SEC24B: variants seen among roughly 807,000 people sequenced by gnomAD.
SEC24B encodes the protein SEC24 homolog B, COPII component.
A neutral mutation model predicts 142.8 loss-of-function variants in SEC24B; 45 were observed. The ratio of observed to expected loss-of-function variants is 0.32; its 90% CI spans 0.25 to 0.40. The LOEUF (loss-of-function observed/expected upper bound fraction) is 0.40. SEC24B is among the 10% of genes least tolerant of loss of function. The pLI is 1.00. For missense variants in SEC24B, 1,409 were observed against 1,526.8 expected, an observed-to-expected ratio of 0.92 and a Z score of 1.29; for synonymous variants, 574 against 568.2, an observed-to-expected ratio of 1.01 and a Z score of -0.15.
intron 4 of SEC24B, among the ~76,000 whole-genome samples, chr4:109,482,961 TATATATATATATATATATACAC>T (rs1326713763): frequency 1.8e-5 from 1 of 56,906 alleles, no homozygotes; most frequent in Non-Finnish European, 3.1e-5. Context: ...TATATATATA[TATATATATATATATATATACAC>T]ACACACACAC....
intron 1 of SEC24B, among the ~76,000 whole-genome samples, chr4:109,443,463 A>G (rs975846066): frequency 6.6e-6 from 1 of 152,160 alleles, no homozygotes; most frequent in Non-Finnish European, 1.5e-5. Context: ...GATGGTCTCA[A>G]ACTCCTAGGC....
chr4:109,445,203 C>T (rs996805764), intron 1 of SEC24B, among the ~76,000 whole-genome samples: 3 of 151,390 alleles, frequency 2.0e-5, no homozygotes, highest in Non-Finnish European at 4.4e-5. Context: ...GGATTACAAG[C>T]ACGTCTGGCC....
At chr4:109,512,884 ACTC>A (rs752122709) in intron 9 of SEC24B, among the ~76,000 whole-genome samples, 1 of 148,894 alleles carries the variant, frequency 6.7e-6, no homozygotes, top group East Asian at 2.0e-4. Flanking sequence ...CTAATCCTGA[ACTC>A]CTGGGCTCAA....
chr4:109,477,150 A>T (rs1367476227), intron 3 of SEC24B, among the ~76,000 whole-genome samples: 6 of 149,788 alleles, frequency 4.0e-5, no homozygotes, highest in African/African-American at 1.5e-4. Context: ...TAAAAAAAAA[A>T]AAAAAAAAAA....
chr4:109,514,098 A>G (rs1016050137), intron 10 of SEC24B, among the ~76,000 whole-genome samples: 7 of 152,210 alleles, frequency 4.6e-5, no homozygotes, highest in African/African-American at 1.7e-4. Context: ...ACTAGCATCT[A>G]TGACTTGTTG....
chr4:109,502,286 C>T (rs1262164436), intron 6 of SEC24B, among the ~76,000 whole-genome samples: 3 of 152,054 alleles, frequency 2.0e-5, no homozygotes, highest in Admixed American at 6.6e-5. Flanking sequence ...AGATTTTATC[C>T]GAGGTGCATA....
At chr4:109,475,689 G>T (rs550602336) in intron 3 of SEC24B, among the ~76,000 whole-genome samples, 29 of 152,126 alleles carry the variant, frequency 1.9e-4, no homozygotes, top group South Asian at 1.2e-3. Context: ...TCTTTCAAAT[G>T]TACCCTTTGG....
In SEC24B at chr4:109,510,200, A is replaced by G. The variant is rs72898747; in HGVS notation, c.1776+89A>G. ...ATTTTATATTTTCTTAGAATTTTCTATATCTTCTTTTATTTGAAGTTAGAA... is the reference window on the plus strand; with the variant it reads ...ATTTTATATTTTCTTAGAATTTTCTGTATCTTCTTTTATTTGAAGTTAGAA... On this transcript the variant is annotated intron_variant, in intron 8 of 23. Transcript: ENST00000265175. The G allele has an allele frequency of 1.2e-3, 711 of 583,106 alleles. 6 individuals are homozygous for G. The African/African-American group carries it at 0.013, about 11-fold the overall frequency. The allele number at this position is 583,106 out of a possible 1,614,324, so 36.1% of individuals were successfully genotyped here.
chr4:109,484,379 G>A (rs1447944130), intron 4 of SEC24B, among the ~76,000 whole-genome samples: 2 of 152,194 alleles, frequency 1.3e-5, no homozygotes, highest in African/African-American at 4.8e-5. Context: ...ATGTCAATTT[G>A]TTCTCATATT....
At chr4:109,530,993 A>ATG (rs1724872097) in intron 19 of SEC24B, among the ~76,000 whole-genome samples, 1 of 152,030 alleles carries the variant, frequency 6.6e-6, no homozygotes, top group Non-Finnish European at 1.5e-5. Context: ...CTCTTCTTTA[A>ATG]TGTGTGTGAG....
At chr4:109,512,217 G>C (rs1014447457) in intron 9 of SEC24B, 134 bp downstream of exon 9, 1 of 778,260 alleles carries the variant, frequency 1.3e-6, no homozygotes. Flanking sequence ...AGGGAATATA[G>C]GCTAAGGCTA....
chr4:109,537,432 A>G (rs1160993559), intron 22 of SEC24B, among the ~76,000 whole-genome samples: 1 of 152,250 alleles, frequency 6.6e-6, no homozygotes, highest in Non-Finnish European at 1.5e-5. Context: ...AGGCATATAT[A>G]CACACATGCT....
At chr4:109,449,389 A>G (rs1317439625) in intron 1 of SEC24B, 14 of 376,930 alleles carry the variant, frequency 3.7e-5, no homozygotes, top group Non-Finnish European at 7.4e-5. Context: ...ATGCCTGGCT[A>G]ATTTTTCTTT....
intron 1 of SEC24B, among the ~76,000 whole-genome samples, chr4:109,446,997 T>C (rs1261838997): frequency 1.3e-5 from 2 of 152,228 alleles, no homozygotes; most frequent in East Asian, 3.8e-4. Context: ...TGAAAAGTTC[T>C]GTCATAAGGG....
At chr4:109,467,178 T>A (rs1335444335) in intron 2 of SEC24B, among the ~76,000 whole-genome samples, 2 of 151,114 alleles carry the variant, frequency 1.3e-5, no homozygotes, top group Non-Finnish European at 3.0e-5. Context: ...TACAAAAAAT[T>A]AGCCGGGCGT....
chr4:109,516,330 T>C (rs776330096), intron 10 of SEC24B, among the ~76,000 whole-genome samples, 198 bp from the exon 11 acceptor site: 3 of 152,198 alleles, frequency 2.0e-5, no homozygotes, highest in African/African-American at 2.4e-5. Context: ...AACTGCCTTA[T>C]CATGCTTAGT....
At position 109,433,841 on chromosome 4, in the gene SEC24B, G is replaced by A; in HGVS notation, c.-29G>A. On this transcript the variant is annotated 5_prime_UTR_variant, in exon 1 of 24. Coordinates refer to ENST00000265175, the MANE Select transcript of SEC24B (RefSeq NM_006323.5). ...CCTTCCCTCCGCCCACCTCCCTGAA[G>A]CGGAGCCGCCGTCGCCACCAGCGCC... 4.7e-6 allele frequency: 6 copies of A among 1,279,116 alleles called. No homozygotes were observed. The highest frequency in any genetic ancestry group is 4.9e-6 in the Non-Finnish European group (5 of 1,012,136). The allele number at this position is 1,279,116 out of a possible 1,614,324, so 79.2% of individuals were successfully genotyped here.
chr4:109,498,597 C>T (rs1391235515), intron 6 of SEC24B, among the ~76,000 whole-genome samples: 1 of 152,164 alleles, frequency 6.6e-6, no homozygotes, highest in African/African-American at 2.4e-5. Context: ...ATCTCCTGAC[C>T]TCGTTATCTG....
chr4:109,457,964 G>C (rs1183036835), intron 1 of SEC24B, among the ~76,000 whole-genome samples: 1 of 152,138 alleles, frequency 6.6e-6, no homozygotes, highest in Admixed American at 6.5e-5. Flanking sequence ...GGATTGGGGG[G>C]ATTAGGATGT....
Sources: gnomAD v4.1 joint callset for allele counts (sites outside exome capture counted in the v4.1 genomes callset) on GRCh38, gnomAD v4.1.1 for gene constraint, MANE v1.5 for transcripts, NCBI Gene and HGNC (gene_info 2026-07-23, HGNC 2026-07-21) for gene names.